DLGAP5: variants seen among roughly 807,000 people sequenced by gnomAD.
The protein encoded by DLGAP5 is DLG associated protein 5, also known as disks large-associated protein 5.
In DLGAP5, 90 loss-of-function variants were observed where a neutral mutation model predicts 99.6. The ratio of observed to expected loss-of-function variants is 0.90; its 90% CI spans 0.76 to 1.08. The LOEUF (loss-of-function observed/expected upper bound fraction) is 1.08, where lower values mean the gene tolerates loss of function less well. Among genes scored for constraint, DLGAP5 ranks in the 50% least tolerant of loss-of-function variants. The pLI is 0.00. For synonymous variants in DLGAP5, 311 were observed against 321.3 expected (o/e 0.97, Z 0.34); for missense variants, 1,036 against 983.5 (o/e 1.05, Z -0.71).
chr14:55,179,338 T>A lies in DLGAP5; in HGVS notation c.774+291A>T, dbSNP rs1028614161. ...CAAAGTCAATGCATTTCACCCCACT[T>A]CACCCTATGTCTTGGCTAATTCCCA... On this transcript the variant is annotated intron_variant, in intron 7 of 18. Transcript: ENST00000247191. Among the ~76,000 whole-genome samples the A allele has an allele frequency of 3.9e-5, 6 of 152,320 alleles. No individual in the cohort carries two copies. The East Asian group carries it at 9.6e-4, about 24-fold the overall frequency.
intron 17 of DLGAP5, 81 bp from the exon 18 acceptor site, chr14:55,150,929 T>C (rs1289166599): frequency 3.3e-6 from 3 of 921,014 alleles, no homozygotes; most frequent in Non-Finnish European, 4.9e-6. Context: ...CCATGAAAAA[T>C]ATGAAAAGTT....
chr14:55,152,705 T>C (rs1594661455), intron 15 of DLGAP5, 58 bp from the exon 16 acceptor site: 3 of 1,410,832 alleles, frequency 2.1e-6, no homozygotes, highest in East Asian at 4.9e-5. Context: ...GTTTCACTTG[T>C]ATTTTGAGTC....
chr14:55,189,109 G>A lies in DLGAP5; in HGVS notation c.71C>T (p.Ala24Val). 1 of 1,613,874 alleles carries A rather than the reference G, an allele frequency of 6.2e-7. No individual in the cohort carries two copies. The highest frequency in any genetic ancestry group is 8.5e-7 in the Non-Finnish European group (1 of 1,179,952). ...TTTCTGAGACAGTGATTTCCTATGA[G>A]CAATTTTAGTTCTAATCATTTCAGT... Reference protein sequence around the residue: ...ISTEMIRTKIAHRKSLSQKEN... With the variant: ...ISTEMIRTKIVHRKSLSQKEN... The change falls in exon 2 of 19, where the codon GCT (alanine) becomes GTT (valine). Residue 24 changes from alanine (A) to valine (V), a missense_variant. Physicochemically the swap from Ala to Val is moderately conservative, Grantham distance 64. Transcript: ENST00000247191.
intron 13 of DLGAP5, 77 bp downstream of exon 13, chr14:55,162,894 T>C (rs1458401060): frequency 5.2e-6 from 3 of 576,206 alleles, no homozygotes; most frequent in Non-Finnish European, 5.7e-6. Context: ...GAAGAATCTA[T>C]ATTAGAAATT....
chr14:55,151,564 G>A, intron 17 of DLGAP5, 131 bp downstream of exon 17: 2 of 986,168 alleles, frequency 2.0e-6, no homozygotes, highest in Non-Finnish European at 2.9e-6. Flanking sequence ...CTAATTCAGG[G>A]TCTTCACTAA....
rs1201261784 is a variant in DLGAP5 at position 55,177,131 on chromosome 14, G to C, written c.980C>G (p.Pro327Arg). ...LDGLKTYQVT[P>R]MTPRSANAFL... ...AGCATTGGCACTTCTGGGAGTCATA[G>C]GTGTTACTTGATAGGTCTTCAGACC... is the stretch of plus-strand genomic sequence containing the variant. Residue 327 changes from proline (P) to arginine (R), a missense_variant, in exon 8 of 19, where the codon CCT (proline) becomes CGT (arginine). Coordinates refer to ENST00000247191, the MANE Select transcript of DLGAP5 (RefSeq NM_014750.5). The C allele has an allele frequency of 6.3e-7, 1 of 1,589,804 alleles. No homozygotes were observed. The highest frequency in any genetic ancestry group is 8.5e-7 in the Non-Finnish European group (1 of 1,171,220).
intron 13 of DLGAP5, 30 bp from the exon 14 acceptor site, chr14:55,158,771 G>A: frequency 6.6e-7 from 1 of 1,504,792 alleles, no homozygotes; most frequent in Non-Finnish European, 9.2e-7. Flanking sequence ...TAGTAAAGCT[G>A]CCCATTACCA....
intron 10 of DLGAP5, among the ~76,000 whole-genome samples, chr14:55,174,911 G>C (rs1023068640): frequency 6.6e-6 from 1 of 152,074 alleles, no homozygotes; most frequent in Non-Finnish European, 1.5e-5. Flanking sequence ...GGATGGTCTC[G>C]ATTTCTTGAC....
chr14:55,156,940 G>GT (rs1275693527), intron 14 of DLGAP5, among the ~76,000 whole-genome samples: 1 of 152,178 alleles, frequency 6.6e-6, no homozygotes, highest in African/African-American at 2.4e-5. Flanking sequence ...GAAGAAAACA[G>GT]TAAGTACAGG....
chr14:55,188,999 C>A lies in DLGAP5; in HGVS notation c.181G>T (p.Val61Phe). The change falls in exon 2 of 19, where the codon GTT becomes TTT. Residue 61 changes from valine to phenylalanine, a missense_variant. By Grantham distance (50) the Val-to-Phe change is conservative. Transcript: ENST00000247191. The part of the protein sequence containing the change: ...NIPTLEGRIL[V>F]ELDETSQGLV... ...CCTTGAGATGTCTCATCTAATTCAA[C>A]AAGAATTCTACCTTCCAAGGTTGGA... The A allele has an allele frequency of 6.2e-7, 1 of 1,613,914 alleles. No individual in the cohort carries two copies. Among genetic ancestry groups the A allele is most frequent in the Non-Finnish European group, 8.5e-7 (1 of 1,179,956 alleles).
rs80066134 is a variant in DLGAP5 at position 55,151,761 on chromosome 14, G to A, written c.2302C>T (p.Pro768Ser). 6.6e-4 allele frequency: 1,071 copies of A among 1,613,406 alleles called. No homozygotes were observed. The highest frequency in any genetic ancestry group is 8.7e-4 in the Non-Finnish European group (1,029 of 1,179,758). ...ITSQDVLMSSPEKNTASQNSI... is the reference protein window; with the variant it reads ...ITSQDVLMSSSEKNTASQNSI... ...TTTTGTGAAGCTGTATTTTTTTCAGGGCTACTCATCAAAACATCCTGTGAT... is the reference window on the plus strand; with the variant it reads ...TTTTGTGAAGCTGTATTTTTTTCAGAGCTACTCATCAAAACATCCTGTGAT... Residue 768 changes from proline (P) to serine (S), a missense_variant, in exon 17 of 19, where the codon CCT becomes TCT. Physicochemically the swap from Pro to Ser is moderately conservative, Grantham distance 74. Transcript: ENST00000247191.
intron 15 of DLGAP5, 81 bp from the exon 16 acceptor site, chr14:55,152,728 AT>A (rs979062137): frequency 4.1e-6 from 5 of 1,206,302 alleles, no homozygotes; most frequent in African/African-American, 3.1e-5. Flanking sequence ...TCCTTTAATG[AT>A]GGCAATTAGT....
At chr14:55,176,485 T>C (rs1883065140) in intron 8 of DLGAP5, among the ~76,000 whole-genome samples, 1 of 152,136 alleles carries the variant, frequency 6.6e-6, no homozygotes, top group African/African-American at 2.4e-5. Context: ...TTTTGAAAAA[T>C]GTATGTGTTA....
At chr14:55,175,573 T>G in intron 9 of DLGAP5, 101 bp from the exon 10 acceptor site, 1 of 798,382 alleles carries the variant, frequency 1.3e-6, no homozygotes, top group Non-Finnish European at 1.9e-6. Context: ...AATGTTTAAT[T>G]TTAAAATTTT....
intron 10 of DLGAP5, among the ~76,000 whole-genome samples, chr14:55,174,142 C>A (rs148504179): frequency 1.3e-5 from 2 of 152,278 alleles, no homozygotes; most frequent in South Asian, 2.1e-4. Flanking sequence ...AAAGAGAATG[C>A]GCACCTGGGG....
At position 55,169,418 on chromosome 14, in the gene DLGAP5, C is replaced by A; in HGVS notation, c.1529G>T (p.Trp510Leu). 2 of 1,546,896 alleles carry A rather than the reference C, an allele frequency of 1.3e-6. No homozygotes were observed. The highest frequency in any genetic ancestry group is 2.4e-5 in the East Asian group (1 of 41,408). Residue 510 changes from tryptophan to leucine, a missense_variant, in exon 12 of 19, where the codon TGG becomes TTG. Coordinates refer to ENST00000247191, the MANE Select transcript of DLGAP5 (RefSeq NM_014750.5). ...ACATACCTGAAAACTAACCATATCC[C>A]AAAATCCATCCAGATCTGTACAGGT... The part of the protein sequence containing the change: ...ETTCTDLDGF[W>L]DMVSFQIEDV...
intron 16 of DLGAP5, 54 bp downstream of exon 16, chr14:55,152,535 AT>A: frequency 7.4e-7 from 1 of 1,351,284 alleles, no homozygotes; most frequent in East Asian, 2.4e-5. Flanking sequence ...ACTTTCTATA[AT>A]GATATAAACA....
chr14:55,169,280 C>T lies in DLGAP5; in HGVS notation c.1548+119G>A, dbSNP rs1172262124. On this transcript the variant is annotated intron_variant, in intron 12 of 18. Coordinates refer to ENST00000247191, the MANE Select transcript of DLGAP5 (RefSeq NM_014750.5). ...TACAGTTTATCAAAGTGCTTTATAA[C>T]ATCTTATTTAATATTACAGGTACAT... 7.6e-6 allele frequency: 4 copies of T among 527,500 alleles called. No individual in the cohort carries two copies. In the East Asian group the frequency reaches 1.5e-4, roughly 20 times the overall value. The allele number at this position is 527,500 out of a possible 1,614,324, so 32.7% of individuals were successfully genotyped here. A position where few individuals can be genotyped will look rare whatever the true frequency, so the allele number is the denominator to read the frequency against.
chr14:55,161,637 C>T (rs1882439836), intron 13 of DLGAP5, among the ~76,000 whole-genome samples: 1 of 150,740 alleles, frequency 6.6e-6, no homozygotes, highest in African/African-American at 2.4e-5. Flanking sequence ...CTCGAACTCC[C>T]GACCTCAGGT....
Sources: gnomAD v4.1 joint callset for allele counts (sites outside exome capture counted in the v4.1 genomes callset) on GRCh38, gnomAD v4.1.1 for gene constraint, MANE v1.5 for transcripts, NCBI Gene and HGNC (gene_info 2026-07-23, HGNC 2026-07-21) for gene names.